DIS3L2: variants seen among roughly 807,000 people sequenced by gnomAD.
DIS3L2 encodes the protein DIS3-like exonuclease 2.
A neutral mutation model predicts 97.5 loss-of-function variants in DIS3L2; 34 were observed. That is an observed-to-expected ratio of 0.35 (90% confidence interval 0.27 to 0.46). The LOEUF (loss-of-function observed/expected upper bound fraction) is 0.46, where lower values mean the gene tolerates loss of function less well. Ranked by LOEUF, DIS3L2 falls within the 20% of genes least tolerant of loss-of-function variation. The pLI, the probability that DIS3L2 is intolerant of heterozygous loss-of-function variation, is 1.00. For synonymous variants in DIS3L2, 435 were observed against 445.2 expected, an observed-to-expected ratio of 0.98 and a Z score of 0.29; for missense variants, 1,038 against 1,146.0, an observed-to-expected ratio of 0.91 and a Z score of 1.36.
chr2:232,060,112 T>G (rs1390054276), intron 5 of DIS3L2, among the ~76,000 whole-genome samples: 1 of 152,220 alleles, frequency 6.6e-6, no homozygotes, highest in Non-Finnish European at 1.5e-5. Context: ...CGAAATAGTT[T>G]GCAGATATTT....
intron 9 of DIS3L2, among the ~76,000 whole-genome samples, chr2:232,173,774 C>G (rs146126904): frequency 3.0e-3 from 452 of 152,328 alleles, no homozygotes; most frequent in African/African-American, 9.9e-3. Flanking sequence ...TTTCTGGACT[C>G]TCAATTCTGT....
rs1693898780 is a variant in DIS3L2 at position 232,268,195 on chromosome 2, C to T, written c.1659+4755C>T. 6.6e-6 allele frequency among the ~76,000 whole-genome samples: 1 copy of T among 152,176 alleles called. No individual in the cohort carries two copies. Among genetic ancestry groups the T allele is most frequent in the African/African-American group, 2.4e-5 (1 of 41,438 alleles). ...GAAGTTGAAGTAGTGGTGGAGAAAA[C>T]CTGATGTTACCATCTTCCCAGGCAA... On this transcript the variant is annotated intron_variant, in intron 13 of 20. Coordinates refer to ENST00000325385, the MANE Select transcript of DIS3L2 (RefSeq NM_152383.5). The surrounding 1 kb of genome is among the most constrained non-coding windows in gnomAD (Gnocchi z 4.1).
rs561539994 is a variant in DIS3L2, at chr2:232,292,527, G to T, written c.1660-7513G>T. 2.6e-5 allele frequency among the ~76,000 whole-genome samples: 4 copies of T among 152,266 alleles called. No individual in the cohort carries two copies. The highest frequency in any genetic ancestry group is 5.9e-5 in the Non-Finnish European group (4 of 68,008). ...CTGGGGAAGATTCTCCTCTCCCAAG[G>T]GTCCTAGTCCCTTCAACTCATCCAG... On this transcript the variant is annotated intron_variant, in intron 13 of 20. Coordinates refer to ENST00000325385, the MANE Select transcript of DIS3L2 (RefSeq NM_152383.5). The surrounding 1 kb of genome is among the most constrained non-coding windows in gnomAD (Gnocchi z 4.4).
At position 232,072,487 on chromosome 2, in the gene DIS3L2, G is replaced by A. The variant is rs187248424; in HGVS notation, c.367-15000G>A. Reference sequence around the variant, plus strand: ...AGAATTGTCAGAGACGAGGTCGGAGGGATCCGGGGTGGGGGTGCAGTCAGG... The same window carrying A: ...AGAATTGTCAGAGACGAGGTCGGAGAGATCCGGGGTGGGGGTGCAGTCAGG... On this transcript the variant is annotated intron_variant, in intron 5 of 20. Transcript: ENST00000325385. 2.3e-3 allele frequency among the ~76,000 whole-genome samples: 351 copies of A among 152,248 alleles called. 2 individuals are homozygous for A. Among genetic ancestry groups the A allele is most frequent in the African/African-American group, 8.3e-3 (343 of 41,522 alleles).
At chr2:232,200,793 T>G (rs1052361253) in intron 9 of DIS3L2, among the ~76,000 whole-genome samples, 2 of 150,732 alleles carry the variant, frequency 1.3e-5, no homozygotes, top group East Asian at 1.9e-4. Context: ...TTTTTTTTTT[T>G]TTTTTTTTTG....
intron 5 of DIS3L2, among the ~76,000 whole-genome samples, chr2:232,041,528 A>G (rs1314402498): frequency 2.0e-5 from 3 of 152,182 alleles, no homozygotes; most frequent in Non-Finnish European, 4.4e-5. Flanking sequence ...ACTGGGAGCA[A>G]AAACCAAAGC....
intron 9 of DIS3L2, among the ~76,000 whole-genome samples, chr2:232,209,207 A>C (rs1324045649): frequency 6.6e-6 from 1 of 152,064 alleles, no homozygotes; most frequent in Non-Finnish European, 1.5e-5. Context: ...TGGACAGTTA[A>C]GAGTCGGATA....
intron 9 of DIS3L2, among the ~76,000 whole-genome samples, chr2:232,192,412 C>T (rs980884523): frequency 5.9e-5 from 9 of 152,068 alleles, no homozygotes; most frequent in Admixed American, 1.3e-4. Context: ...CTTCTTAAAC[C>T]TATGCCCTTA....
chr2:232,209,759 C>T (rs578000266), intron 9 of DIS3L2, among the ~76,000 whole-genome samples: 5 of 152,138 alleles, frequency 3.3e-5, no homozygotes, highest in African/African-American at 9.6e-5. Context: ...GTGTGATGTT[C>T]GTAAGGATAT....
chr2:232,188,101 T>C (rs933876742), intron 9 of DIS3L2, among the ~76,000 whole-genome samples: 4 of 151,934 alleles, frequency 2.6e-5, no homozygotes, highest in African/African-American at 9.7e-5. Context: ...GATCGCGCCA[T>C]AGCCCTCCGG....
At chr2:232,331,016 C>A (rs150385071) in intron 16 of DIS3L2, among the ~76,000 whole-genome samples, 9 of 141,156 alleles carry the variant, frequency 6.4e-5, no homozygotes, top group African/African-American at 2.1e-4. Context: ...CACACTCGCT[C>A]AAGGACAGAG....
At chr2:232,026,639 A>C (rs974076457) in intron 4 of DIS3L2, among the ~76,000 whole-genome samples, 6 of 151,448 alleles carry the variant, frequency 4.0e-5, no homozygotes, top group Non-Finnish European at 8.8e-5. Flanking sequence ...GGCCCTGTGA[A>C]CTCCTTGTCT....
chr2:232,148,452 C>T (rs555522762), intron 8 of DIS3L2, among the ~76,000 whole-genome samples: 33 of 152,216 alleles, frequency 2.2e-4, no homozygotes, highest in African/African-American at 7.9e-4. Flanking sequence ...GTCTATGCTG[C>T]TGTAAAATAG....
intron 11 of DIS3L2, among the ~76,000 whole-genome samples, chr2:232,240,074 G>A (rs528880219): frequency 6.6e-6 from 1 of 152,314 alleles, no homozygotes; most frequent in South Asian, 2.1e-4. Flanking sequence ...GCTACAAAGG[G>A]AGCTAGCCTA....
intron 10 of DIS3L2, among the ~76,000 whole-genome samples, chr2:232,223,943 C>T (rs1306478650): frequency 6.6e-6 from 1 of 152,110 alleles, no homozygotes; most frequent in African/African-American, 2.4e-5. Context: ...CAACAATTAG[C>T]TGGATGTGGT....
intron 7 of DIS3L2, among the ~76,000 whole-genome samples, chr2:232,136,261 A>C (rs1314881882): frequency 6.6e-6 from 1 of 152,214 alleles, no homozygotes; most frequent in Non-Finnish European, 1.5e-5. Flanking sequence ...CATGTATTGC[A>C]TAATTTTTCT....
chr2:232,314,746 G>T (rs1695224556), intron 14 of DIS3L2, among the ~76,000 whole-genome samples: 1 of 152,196 alleles, frequency 6.6e-6, no homozygotes, highest in South Asian at 2.1e-4. Context: ...TTTTTGCGAT[G>T]GACTGCAGCT....
chr2:232,063,679 C>T lies in DIS3L2; in HGVS notation c.367-23808C>T, dbSNP rs183476014. Among the ~76,000 whole-genome samples, 13 of 152,218 alleles carry T rather than the reference C, an allele frequency of 8.5e-5. No homozygotes were observed. The East Asian group carries it at 2.1e-3, about 25-fold the overall frequency. On this transcript the variant is annotated intron_variant, in intron 5 of 20. Coordinates refer to ENST00000325385, the MANE Select transcript of DIS3L2 (RefSeq NM_152383.5). ...CATCTCACAGGAAGCAAGACACTGC[C>T]TTCATTTCCTAAAGCTTATACCATT...
chr2:232,059,130 G>T (rs1695630717), intron 5 of DIS3L2, among the ~76,000 whole-genome samples: 1 of 152,100 alleles, frequency 6.6e-6, no homozygotes, highest in African/African-American at 2.4e-5. Flanking sequence ...GTTCTTGGCT[G>T]ATATTTTGTA....
Sources: gnomAD v4.1 joint callset for allele counts (sites outside exome capture counted in the v4.1 genomes callset) on GRCh38, gnomAD v4.1.1 for gene constraint, Gnocchi (gnomAD v3.1) non-coding constraint, MANE v1.5 for transcripts, NCBI Gene and HGNC (gene_info 2026-07-23, HGNC 2026-07-21) for gene names.